GALNT6: variants seen among roughly 807,000 people sequenced by gnomAD.
GALNT6 encodes GalNAc transferase 6.
In GALNT6, 51 loss-of-function variants were observed where a neutral mutation model predicts 65.9. That is an observed-to-expected ratio of 0.77 (90% CI 0.62 to 0.98). The LOEUF (loss-of-function observed/expected upper bound fraction) is 0.98. Ranked by LOEUF, GALNT6 falls within the 50% of genes least tolerant of loss-of-function variation. GALNT6 has a pLI of 0.00. For missense variants in GALNT6, 708 were observed against 803.3 expected (o/e 0.88, Z 1.43); for synonymous variants, 323 against 315.1 (o/e 1.02, Z -0.26).
At chr12:51,378,679 A>G (rs1166214724) in intron 3 of GALNT6, among the ~76,000 whole-genome samples, 3 of 152,178 alleles carry the variant, frequency 2.0e-5, no homozygotes, top group Non-Finnish European at 4.4e-5. Context: ...CTTTAACTTG[A>G]GGATCATGGG....
At chr12:51,358,746 C>T (rs758030635) in intron 8 of GALNT6, among the ~76,000 whole-genome samples, 4 of 152,142 alleles carry the variant, frequency 2.6e-5, no homozygotes, top group Non-Finnish European at 5.9e-5. Flanking sequence ...CCAAAAACCC[C>T]GCCTTAGCTT....
rs138133361 is a variant in GALNT6 at position 51,379,854 on chromosome 12, C to T, written c.-73G>A. ...GCCCAACCCTGGAGATAGCTTGATA[C>T]GTTGTGGTGGCCACAAGCTGGGGCC... On this transcript the variant is annotated 5_prime_UTR_variant, in exon 3 of 12. Coordinates refer to ENST00000356317, the MANE Select transcript of GALNT6 (RefSeq NM_007210.4). The T allele has an allele frequency of 7.2e-5, 104 of 1,435,998 alleles. No individual in the cohort carries two copies. The Admixed American group carries it at 1.0e-3, about 14-fold the overall frequency. 89.0% of individuals were successfully genotyped at this position (1,435,998 alleles called of 1,614,324 possible).
At chr12:51,386,653 G>A (rs765317890) in intron 2 of GALNT6, among the ~76,000 whole-genome samples, 1 of 152,156 alleles carries the variant, frequency 6.6e-6, no homozygotes, top group Non-Finnish European at 1.5e-5. Flanking sequence ...AAGTTTCTTT[G>A]GAAAGTGATA....
intron 4 of GALNT6, among the ~76,000 whole-genome samples, chr12:51,371,709 G>A (rs970265811): frequency 6.6e-6 from 1 of 152,142 alleles, no homozygotes; most frequent in Non-Finnish European, 1.5e-5. Context: ...TGACTCAGAG[G>A]TGGGGAAGAA....
intron 11 of GALNT6, 76 bp from the exon 12 acceptor site, chr12:51,354,568 G>T: frequency 2.3e-6 from 2 of 866,818 alleles, no homozygotes; most frequent in Non-Finnish European, 3.6e-6. Flanking sequence ...ATGCGATGGG[G>T]TGCAATTGAC....
chr12:51,376,547 C>T (rs1486660079), intron 4 of GALNT6, among the ~76,000 whole-genome samples: 3 of 149,952 alleles, frequency 2.0e-5, no homozygotes, highest in Admixed American at 1.3e-4. Context: ...GCAGGAGAAT[C>T]GCTTGAACCT....
Position 51,379,587 on chromosome 12 carries a change from T to C in GALNT6, c.195A>G (p.Arg65=), listed in dbSNP as rs747709175. The C allele has an allele frequency of 6.2e-7, 1 of 1,614,154 alleles. No individual in the cohort carries two copies. The highest frequency in any genetic ancestry group is 1.1e-5 in the South Asian group (1 of 91,080). Residue 65 remains arginine, a synonymous_variant, in exon 3 of 12, where the codon AGA becomes AGG. Transcript: ENST00000356317. ...DLMLEAMNNL[R]DSMPKLQIRA... is the part of the protein sequence containing the mutation. The stretch of plus-strand genomic sequence containing the variant: ...TGATTTGGAGCTTGGGCATTGAATC[T>C]CTAAGGTTGTTCATGGCCTCCAGCA...
At chr12:51,377,815 A>G (rs1404125271) in intron 3 of GALNT6, among the ~76,000 whole-genome samples, 1 of 152,222 alleles carries the variant, frequency 6.6e-6, no homozygotes, top group Admixed American at 6.5e-5. Flanking sequence ...TCCATACTCA[A>G]TGAGAAGAAA....
Position 51,354,349 on chromosome 12 carries a change from TG to T in GALNT6, c.*29del, listed in dbSNP as rs1477744172. The T allele has an allele frequency of 8.3e-7, 1 of 1,198,784 alleles. No homozygotes were observed. Among genetic ancestry groups the T allele is most frequent in the Non-Finnish European group, 1.2e-6 (1 of 851,308 alleles). 74.3% of individuals were successfully genotyped at this position (1,198,784 alleles called of 1,614,324 possible). On this transcript the variant is annotated 3_prime_UTR_variant, in exon 12 of 12. Coordinates refer to ENST00000356317, the MANE Select transcript of GALNT6 (RefSeq NM_007210.4). ...GCAATCCTGTTTCCTGAGGAGCTTG[TG>T]GGGGCTCTCTCTGGGGATGATCTGG...
intron 4 of GALNT6, among the ~76,000 whole-genome samples, chr12:51,376,633 CAAA>C (rs35109462): frequency 3.1e-4 from 26 of 83,956 alleles, no homozygotes; most frequent in Middle Eastern, 5.2e-3. Context: ...AACTCCATCT[CAAA>C]AAAAAAAAAA....
Position 51,390,910 on chromosome 12 carries a change from C to CT in GALNT6, c.-165dup, listed in dbSNP as rs1041443578. The CT allele has an allele frequency of 4.6e-5, 7 of 152,356 alleles. No homozygotes were observed. Among genetic ancestry groups the CT allele is most frequent in the African/African-American group, 1.7e-4 (7 of 41,450 alleles). 9.4% of individuals were successfully genotyped at this position (152,356 alleles called of 1,614,324 possible). ...TGGATGCAAGTAAAAGCTGTTTCTC[C>CT]TTTTTGTCAGCCTGGGAATCTGAAC... is the stretch of plus-strand genomic sequence containing the variant. On this transcript the variant is annotated 5_prime_UTR_variant, in exon 2 of 12. The change creates a premature stop within an existing upstream ORF in the 5' untranslated region. Transcript: ENST00000356317.
chr12:51,358,093 GTGGTGA>G lies in GALNT6; in HGVS notation c.1500+31_1500+36del, dbSNP rs907218854. On this transcript the variant is annotated intron_variant, in intron 9 of 11. Transcript: ENST00000356317. Reference sequence around the variant, plus strand: ...GTCTTGAACTTCTCCAAGGGGTGCTGTGGTGATGGGCAGGCAGGTTGGTTCTCAAGA... The same window carrying G: ...GTCTTGAACTTCTCCAAGGGGTGCTGTGGGCAGGCAGGTTGGTTCTCAAGA... 19 of 1,600,818 alleles carry G rather than the reference GTGGTGA, an allele frequency of 1.2e-5. No homozygotes were observed. The African/African-American group carries it at 2.0e-4, about 17-fold the overall frequency.
chr12:51,389,755 C>G (rs959354278), intron 2 of GALNT6, among the ~76,000 whole-genome samples: 5 of 152,188 alleles, frequency 3.3e-5, no homozygotes, highest in African/African-American at 1.2e-4. Flanking sequence ...TAAGTTCATG[C>G]TCATATTTCC....
In GALNT6 at chr12:51,377,374, G is replaced by A; in HGVS notation, c.492-7C>T. 1 of 1,611,902 alleles carries A rather than the reference G, an allele frequency of 6.2e-7. No homozygotes were observed. Among genetic ancestry groups the A allele is most frequent in the Non-Finnish European group, 8.5e-7 (1 of 1,179,736 alleles). On this transcript the variant is annotated splice_polypyrimidine_tract_variant and splice_region_variant and intron_variant, in intron 3 of 11. Transcript: ENST00000356317. ...GAACTTCTGGTCCACACACCTGGAA[G>A]TATGAAAGTACGGACAAAGTTCTCC...
chr12:51,375,249 C>T (rs142086774), intron 4 of GALNT6, among the ~76,000 whole-genome samples: 292 of 152,284 alleles, frequency 1.9e-3, no homozygotes, highest in Admixed American at 6.1e-3. Flanking sequence ...TTAACAAACA[C>T]ATTCATGTCT....
At chr12:51,377,422 T>C in intron 3 of GALNT6, 55 bp from the exon 4 acceptor site, 1 of 1,513,380 alleles carries the variant, frequency 6.6e-7, no homozygotes, top group East Asian at 2.3e-5. Context: ...GTACCAGGTG[T>C]GGGGAGGGCC....
chr12:51,357,244 G>T, intron 10 of GALNT6, 105 bp downstream of exon 10: 1 of 723,420 alleles, frequency 1.4e-6, no homozygotes, highest in South Asian at 1.6e-5. Flanking sequence ...CCTGAGGGCA[G>T]GGATGGTATC....
At chr12:51,356,996 A>G (rs1248539471) in intron 10 of GALNT6, among the ~76,000 whole-genome samples, 1 of 152,160 alleles carries the variant, frequency 6.6e-6, no homozygotes, top group African/African-American at 2.4e-5. Context: ...TCAGAGTGGT[A>G]GCTTCTGGGC....
chr12:51,361,085 C>A (rs1057400310), intron 6 of GALNT6, among the ~76,000 whole-genome samples: 1 of 152,172 alleles, frequency 6.6e-6, no homozygotes, highest in Non-Finnish European at 1.5e-5. Flanking sequence ...TTCGTTCAAC[C>A]TAGGATGCAC....
Sources: allele counts gnomAD v4.1 joint callset (sites outside exome capture counted in the v4.1 genomes callset), GRCh38; gene constraint gnomAD v4.1.1; transcripts MANE v1.5; gene names NCBI Gene and HGNC (gene_info 2026-07-23, HGNC 2026-07-21).